FKBP11: variants seen among roughly 807,000 people sequenced by gnomAD.
FKBP11 encodes peptidyl-prolyl cis-trans isomerase FKBP11.
FKBP11 carries 21 observed loss-of-function variants against 24.7 expected under a neutral mutation model. The observed-to-expected ratio is 0.85, with a 90% CI of 0.60 to 1.23. FKBP11 has a LOEUF of 1.23. Among genes scored for constraint, FKBP11 ranks in the 50% most tolerant of loss-of-function variants. The pLI is 0.00. For missense variants in FKBP11, 245 were observed against 248.7 expected (o/e 0.99, Z 0.10); for synonymous variants, 106 against 100.6 (o/e 1.05, Z -0.32).
chr12:48,924,783 G>C, intron 2 of FKBP11, 135 bp from the exon 3 acceptor site: 1 of 1,480,074 alleles, frequency 6.8e-7, no homozygotes, highest in African/African-American at 1.4e-5. Context: ...CCGCTGTAAG[G>C]AACAGGAAGC....
At chr12:48,936,558 A>T in the FKBP11 span, 3 of 152,670 alleles carry the variant, frequency 2.0e-5, no homozygotes, top group African/African-American at 7.2e-5. Context: ...GGATACTACC[A>T]AGATCACTTA....
the FKBP11 span, chr12:48,937,365 GCC>G: frequency 6.6e-6 from 1 of 152,514 alleles, no homozygotes; most frequent in Admixed American, 6.5e-5. Context: ...ACACACAGGA[GCC>G]CACAGGACAG....
intron 5 of FKBP11, 132 bp from the exon 6 acceptor site, chr12:48,922,333 C>A: frequency 1.2e-6 from 1 of 851,888 alleles, no homozygotes; most frequent in Non-Finnish European, 1.7e-6. Context: ...TAAATGTGGG[C>A]TTGAATTCCT....
rs2137558761 is a variant in FKBP11 at position 48,925,312 on chromosome 12, T to C, written c.117A>G (p.Gln39=). 2 of 1,612,136 alleles carry C rather than the reference T, an allele frequency of 1.2e-6. No individual in the cohort carries two copies. Among genetic ancestry groups the C allele is most frequent in the Admixed American group, 1.7e-5 (1 of 59,820 alleles). ...LETESPVRTL[Q]VETLVEPPEP... ...ACTATCTCCTCACCAGGGTCTCCACTTGGAGGGTCCGGACGGGACTTTCGG... is the reference window on the plus strand; with the variant it reads ...ACTATCTCCTCACCAGGGTCTCCACCTGGAGGGTCCGGACGGGACTTTCGG... The change falls in exon 1 of 6, where the codon CAA becomes CAG. Residue 39 remains glutamine, a synonymous_variant. Transcript: ENST00000550765.
At chr12:48,931,179 G>T (rs1417253220), upstream of FKBP11, among the ~76,000 whole-genome samples, 2 of 126,288 alleles carry the variant, frequency 1.6e-5, no homozygotes, top group Non-Finnish European at 3.2e-5. Flanking sequence ...GAAGAACCTT[G>T]AATGTCAGAC....
the FKBP11 span, among the ~76,000 whole-genome samples, chr12:48,935,018 C>CAAAA: frequency 4.1e-4 from 36 of 87,424 alleles, no homozygotes; most frequent in South Asian, 8.7e-4. Context: ...AATTCCGTCT[C>CAAAA]AAAAAAAAAA....
At chr12:48,925,501 C>G, upstream of FKBP11, 2 of 1,501,210 alleles carry the variant, frequency 1.3e-6, no homozygotes, top group South Asian at 1.3e-5. Flanking sequence ...ACAGCGTTCC[C>G]GCGGCGCCCA....
upstream of FKBP11, among the ~76,000 whole-genome samples, chr12:48,927,043 C>G (rs1939984114): frequency 6.6e-6 from 1 of 151,972 alleles, no homozygotes; most frequent in Non-Finnish European, 1.5e-5. Context: ...CTGCTGACCT[C>G]GTGATCCGCC....
At chr12:48,932,750 G>A in the FKBP11 span, among the ~76,000 whole-genome samples, 5 of 152,108 alleles carry the variant, frequency 3.3e-5, no homozygotes, top group Admixed American at 6.5e-5. Flanking sequence ...GACCCTGAAC[G>A]ATATATGGGA....
the FKBP11 span, chr12:48,931,905 G>A: frequency 0.088 from 14,055 of 159,560 alleles, 759 homozygotes; most frequent in South Asian, 0.19. Context: ...GTGCGGTGGC[G>A]CAAACACAGC....
chr12:48,931,690 G>A, the FKBP11 span: 1 of 540,344 alleles, frequency 1.9e-6, no homozygotes, highest in African/African-American at 1.9e-5. Flanking sequence ...CTTGATTAAA[G>A]ACAATGGTGT....
the FKBP11 span, chr12:48,938,428 C>T: frequency 4.4e-6 from 2 of 454,202 alleles, no homozygotes; most frequent in Admixed American, 4.7e-5. Context: ...CACCCCCTCC[C>T]CGCTCCCCCC....
At chr12:48,928,998 AT>A (rs71080161), upstream of FKBP11, among the ~76,000 whole-genome samples, 128 of 138,194 alleles carry the variant, frequency 9.3e-4, no homozygotes, top group Admixed American at 1.6e-3. Flanking sequence ...AACTTTTTGT[AT>A]TTTTTTTTTT....
the FKBP11 span, among the ~76,000 whole-genome samples, chr12:48,933,814 C>A: frequency 6.6e-6 from 1 of 151,940 alleles, no homozygotes; most frequent in Admixed American, 6.6e-5. Flanking sequence ...TTACAGTGAG[C>A]CGAGATCACG....
At chr12:48,932,905 G>A in the FKBP11 span, among the ~76,000 whole-genome samples, 1 of 152,134 alleles carries the variant, frequency 6.6e-6, no homozygotes. Flanking sequence ...AAGGGTACAT[G>A]GGTAGAACTG....
chr12:48,924,321 A>G (rs536006354), intron 3 of FKBP11, 65 bp from the exon 4 acceptor site: 2 of 1,597,124 alleles, frequency 1.3e-6, no homozygotes, highest in South Asian at 1.1e-5. Context: ...TGACATGAAG[A>G]TCAAAGTCTT....
chr12:48,928,854 ACT>A (rs1435731192), upstream of FKBP11, among the ~76,000 whole-genome samples: 2 of 101,780 alleles, frequency 2.0e-5, no homozygotes, highest in African/African-American at 7.7e-5. Flanking sequence ...ACAGAGTCTG[ACT>A]CTGTTGCCCA....
rs765785005 is a variant in FKBP11 at position 48,925,308 on chromosome 12, CCACTTGGAGGG to C, written c.110_120del (p.Thr37ArgfsTer35). ...CGGGACTATCTCCTCACCAGGGTCT[CCACTTGGAGGG>C]TCCGGACGGGACTTTCGGTTTCGAG... On this transcript the variant is annotated frameshift_variant, in exon 1 of 6. Coordinates refer to ENST00000550765, the MANE Select transcript of FKBP11 (RefSeq NM_016594.3). LOFTEE classifies it high-confidence loss of function. 3 of 1,612,208 alleles carry C rather than the reference CCACTTGGAGGG, an allele frequency of 1.9e-6. No individual in the cohort carries two copies. The highest frequency in any genetic ancestry group is 1.7e-6 in the Non-Finnish European group (2 of 1,179,546).
chr12:48,925,202 C>T (rs749664803), intron 1 of FKBP11, 91 bp from the exon 2 acceptor site: 10 of 1,586,446 alleles, frequency 6.3e-6, no homozygotes, highest in Non-Finnish European at 8.6e-6. Flanking sequence ...AGTTCCCGCA[C>T]TTCCTCTCCT....
Sources: allele counts gnomAD v4.1 joint callset (sites outside exome capture counted in the v4.1 genomes callset), GRCh38; gene constraint gnomAD v4.1.1; transcripts MANE v1.5; gene names NCBI Gene and HGNC (gene_info 2026-07-23, HGNC 2026-07-21).